Variants in UGT1A3 observed in about 807,000 individuals in gnomAD.
UGT1A3 encodes the protein UDP glucuronosyltransferase family 1 member A3, also known as UDP-glucuronosyltransferase 1A3.
A neutral mutation model predicts 41.0 loss-of-function variants in UGT1A3; 31 were observed. The ratio of observed to expected loss-of-function variants is 0.76; its 90% confidence interval spans 0.57 to 1.02. The LOEUF (loss-of-function observed/expected upper bound fraction) is 1.02. Among genes scored for constraint, UGT1A3 ranks in the 50% least tolerant of loss-of-function variants. UGT1A3 has a pLI of 0.00. For missense variants in UGT1A3, 737 were observed against 671.0 expected (o/e 1.10, Z -1.09); for synonymous variants, 262 against 257.6 (o/e 1.02, Z -0.17).
intron 1 of UGT1A3, among the ~76,000 whole-genome samples, chr2:233,736,432 A>G (rs1471757710): frequency 6.6e-6 from 1 of 152,142 alleles, no homozygotes; most frequent in East Asian, 1.9e-4. Flanking sequence ...TCAAGGTTCA[A>G]CCTTCCTTGC....
At chr2:233,766,403 C>G (rs889722071) in intron 1 of UGT1A3, among the ~76,000 whole-genome samples, 2 of 152,178 alleles carry the variant, frequency 1.3e-5, no homozygotes, top group Non-Finnish European at 2.9e-5. Context: ...TGCGTCCCTC[C>G]GCTGATGTGC....
At chr2:233,735,317 G>A (rs1343074609) in intron 1 of UGT1A3, among the ~76,000 whole-genome samples, 2 of 152,024 alleles carry the variant, frequency 1.3e-5, no homozygotes, top group African/African-American at 2.4e-5. Flanking sequence ...TTTTATCAGA[G>A]ACTAGGATTG....
chr2:233,745,257 G>A (rs1693056252), intron 1 of UGT1A3, among the ~76,000 whole-genome samples: 1 of 151,828 alleles, frequency 6.6e-6, no homozygotes, highest in African/African-American at 2.4e-5. Context: ...AAACCATTAA[G>A]ACTTGCAGGC....
At chr2:233,736,410 T>C (rs1179819701) in intron 1 of UGT1A3, among the ~76,000 whole-genome samples, 1 of 152,232 alleles carries the variant, frequency 6.6e-6, no homozygotes, top group Non-Finnish European at 1.5e-5. Flanking sequence ...TAGGCATTCA[T>C]CTAACCTTTT....
At chr2:233,738,256 C>A (rs775163628) in intron 1 of UGT1A3, among the ~76,000 whole-genome samples, 10 of 152,180 alleles carry the variant, frequency 6.6e-5, no homozygotes, top group Non-Finnish European at 1.0e-4. Context: ...GAACTGGAGT[C>A]AATTAAAGCT....
chr2:233,754,887 T>G (rs1212362818), intron 1 of UGT1A3: 2 of 1,351,202 alleles, frequency 1.5e-6, no homozygotes, highest in Non-Finnish European at 2.0e-6. Flanking sequence ...TCCCAGGGAG[T>G]TCCTCTGACC....
At position 233,729,155 on chromosome 2, in the gene UGT1A3, C is replaced by T. The variant is rs754518469; in HGVS notation, c.29C>T (p.Pro10Leu). The T allele has an allele frequency of 1.4e-5, 23 of 1,613,596 alleles. No homozygotes were observed. The highest frequency in any genetic ancestry group is 5.0e-5 in the Admixed American group (3 of 60,022). The change falls in exon 1 of 5, where the codon CCG becomes CTG. Residue 10 changes from proline (P) to leucine (L), a missense_variant. Coordinates refer to ENST00000482026, the MANE Select transcript of UGT1A3 (RefSeq NM_019093.4). ...GCCACAGGACTCCAGGTTCCCCTGC[C>T]GTGGCTGGCCACAGGACTGCTGCTT... MATGLQVPL[P>L]WLATGLLLLL...
intron 1 of UGT1A3, chr2:233,750,737 C>T (rs1464125177): frequency 6.6e-6 from 1 of 151,908 alleles, no homozygotes; most frequent in Non-Finnish European, 1.5e-5. Context: ...AGGGTGCAAA[C>T]CTCAAGCCTT....
At chr2:233,755,221 C>T (rs1695818847) in intron 1 of UGT1A3, 1 of 995,834 alleles carries the variant, frequency 1.0e-6, no homozygotes. Context: ...TTGATACCCT[C>T]GGACGAGGCC....
At position 233,747,384 on chromosome 2, in the gene UGT1A3, G is replaced by A. The variant is rs1693657015; in HGVS notation, c.867+17391G>A. The A allele has an allele frequency of 7.5e-6, 12 of 1,605,260 alleles. No individual in the cohort carries two copies. In the South Asian group the frequency reaches 1.2e-4, roughly 16 times the overall value. ...GGAGCTCCATGCCAGAGGCCACCAGGCGGTGGTCCTCACCCCAGAGGTGAA... is the reference window on the plus strand; with the variant it reads ...GGAGCTCCATGCCAGAGGCCACCAGACGGTGGTCCTCACCCCAGAGGTGAA... On this transcript the variant is annotated intron_variant, in intron 1 of 4. Transcript: ENST00000482026.
intron 1 of UGT1A3, among the ~76,000 whole-genome samples, chr2:233,748,921 T>C (rs1470974823): frequency 7.9e-5 from 12 of 151,634 alleles, no homozygotes; most frequent in Non-Finnish European, 2.9e-5. Context: ...CAGGTGAAGC[T>C]GAACATATCA....
intron 1 of UGT1A3, chr2:233,748,227 A>C (rs1693897590): frequency 1.4e-6 from 2 of 1,423,074 alleles, no homozygotes; most frequent in African/African-American, 2.9e-5. Context: ...ATAAACTGTT[A>C]AGGGGTCTCT....
Position 233,769,714 on chromosome 2 carries a change from G to C in UGT1A3, c.1307+1275G>C. On this transcript the variant is annotated intron_variant, in intron 4 of 4. Coordinates refer to ENST00000482026, the MANE Select transcript of UGT1A3 (RefSeq NM_019093.4). This position sits in a 1 kb window ranked among gnomAD's most constrained non-coding sequence, Gnocchi z 4.4. ...TGGATAAAAGATCAATGTTGGCTAG[G>C]CACCATGGCACACGCCTGTAGTCCC... 6.7e-7 allele frequency: 1 copy of C among 1,497,244 alleles called. No homozygotes were observed. Among genetic ancestry groups the C allele is most frequent in the Non-Finnish European group, 8.9e-7 (1 of 1,121,796 alleles). The allele number at this position is 1,497,244 out of a possible 1,614,324, so 92.7% of individuals were successfully genotyped here. A position where few individuals can be genotyped will look rare whatever the true frequency, so the allele number is the denominator to read the frequency against.
chr2:233,765,231 A>G (rs1698784494), intron 1 of UGT1A3, among the ~76,000 whole-genome samples: 1 of 152,148 alleles, frequency 6.6e-6, no homozygotes, highest in African/African-American at 2.4e-5. Context: ...ACATAAAACC[A>G]TAGACTCAGT....
chr2:233,760,221 A>C, intron 1 of UGT1A3: 4 of 1,592,732 alleles, frequency 2.5e-6, no homozygotes, highest in Non-Finnish European at 3.4e-6. Flanking sequence ...TGGTGTATCG[A>C]TTGGTTTTTG....
chr2:233,772,326 C>A lies in UGT1A3; in HGVS notation c.1372C>A (p.Leu458Met), dbSNP rs767264478. ...HKDRPVEPLDLAVFWVEFVMR... is the reference protein window; with the variant it reads ...HKDRPVEPLDMAVFWVEFVMR... The stretch of plus-strand genomic sequence containing the variant: ...GGACCGCCCGGTGGAGCCGCTGGAC[C>A]TGGCCGTGTTCTGGGTGGAGTTTGT... The change falls in exon 5 of 5, where the codon CTG becomes ATG. Residue 458 changes from leucine (L) to methionine (M), a missense_variant. Coordinates refer to ENST00000482026, the MANE Select transcript of UGT1A3 (RefSeq NM_019093.4). 1 of 1,614,166 alleles carries A rather than the reference C, an allele frequency of 6.2e-7. No homozygotes were observed. The highest frequency in any genetic ancestry group is 8.5e-7 in the Non-Finnish European group (1 of 1,180,028).
chr2:233,747,949 T>G lies in UGT1A3; in HGVS notation c.867+17956T>G. ...CTTTTTCAGAGGGAGGTGTCAGTGG[T>G]GGATCTTCTCAGCCATGCATCTGTG... is the stretch of plus-strand genomic sequence containing the variant. On this transcript the variant is annotated intron_variant, in intron 1 of 4. Transcript: ENST00000482026. 2.5e-6 allele frequency: 4 copies of G among 1,613,408 alleles called. No individual in the cohort carries two copies. In the South Asian group the frequency reaches 4.4e-5, roughly 18 times the overall value.
chr2:233,755,295 G>A (rs566293280), intron 1 of UGT1A3: 4 of 631,344 alleles, frequency 6.3e-6, no homozygotes, highest in African/African-American at 3.8e-5. Context: ...AGCCTGCGGG[G>A]CACTGGCACA....
intron 1 of UGT1A3, chr2:233,748,124 G>C (rs1575688214): frequency 9.9e-6 from 16 of 1,610,630 alleles, no homozygotes; most frequent in Non-Finnish European, 1.3e-5. Flanking sequence ...AGGCAAAACA[G>C]TTTTTAAAAA....
Sources: allele counts gnomAD v4.1 joint callset (sites outside exome capture counted in the v4.1 genomes callset), GRCh38; gene constraint gnomAD v4.1.1; non-coding constraint Gnocchi (gnomAD v3.1); transcripts MANE v1.5; gene names NCBI Gene and HGNC (gene_info 2026-07-23, HGNC 2026-07-21).